Variants in OTOP2 observed in about 807,000 individuals in gnomAD.
The protein encoded by OTOP2 is otopetrin 2.
In OTOP2, 41 loss-of-function variants were observed where a neutral mutation model predicts 47.4. The ratio of observed to expected loss-of-function variants is 0.87; its 90% CI spans 0.67 to 1.12. The LOEUF (loss-of-function observed/expected upper bound fraction) is 1.12. Among genes scored for constraint, OTOP2 ranks in the 50% most tolerant of loss-of-function variants. The pLI is 0.00. For synonymous variants in OTOP2, 328 were observed against 319.6 expected, an observed-to-expected ratio of 1.03 and a Z score of -0.28; for missense variants, 721 against 752.2, an observed-to-expected ratio of 0.96 and a Z score of 0.49.
chr17:74,931,519 G>C (rs1240266405), intron 6 of OTOP2, among the ~76,000 whole-genome samples: 2 of 152,176 alleles, frequency 1.3e-5, no homozygotes, highest in Non-Finnish European at 2.9e-5. Flanking sequence ...CTTGTGATCT[G>C]CCTGCTTCTC....
At position 74,924,494 on chromosome 17, in the gene OTOP2, C is replaced by T; in HGVS notation, c.-33-106C>T. On this transcript the variant is annotated intron_variant, in intron 1 of 6. Transcript: ENST00000331427. The surrounding 1 kb of genome is among the most constrained non-coding windows in gnomAD (Gnocchi z 7.7). ...AGCGCTTCCTCCAGCACCCGAAGCCCCAACCCTGCGGGTCAGGAACTCCCT... is the reference window on the plus strand; with the variant it reads ...AGCGCTTCCTCCAGCACCCGAAGCCTCAACCCTGCGGGTCAGGAACTCCCT... The T allele has an allele frequency of 9.4e-7, 1 of 1,062,968 alleles. No individual in the cohort carries two copies. The highest frequency in any genetic ancestry group is 1.3e-6 in the Non-Finnish European group (1 of 767,398). The allele number at this position is 1,062,968 out of a possible 1,614,324, so 65.8% of individuals were successfully genotyped here.
Position 74,933,523 on chromosome 17 carries a change from T to A in OTOP2, c.1667T>A (p.Leu556Gln), listed in dbSNP as rs201440902. The A allele has an allele frequency of 1.5e-4, 237 of 1,612,840 alleles. No individual in the cohort carries two copies. Among genetic ancestry groups the A allele is most frequent in the Non-Finnish European group, 1.9e-4 (219 of 1,179,176 alleles). The change falls in exon 7 of 7, where the codon CTG (leucine) becomes CAG (glutamine). Residue 556 changes from leucine (L) to glutamine (Q), a missense_variant. By Grantham distance (113) the Leu-to-Gln change is moderately radical. Transcript: ENST00000331427. The surrounding 1 kb of genome is among the most constrained non-coding windows in gnomAD (Gnocchi z 4.7). ...FYRMHAVSSL[L>Q]EVYVLS ...CGCATGCACGCTGTGTCCAGCCTGC[T>A]GGAGGTCTACGTGCTGTCCTGAGGC... is the stretch of plus-strand genomic sequence containing the variant.
In OTOP2 at chr17:74,930,450, C is replaced by T. The variant is rs749307263; in HGVS notation, c.815C>T (p.Thr272Ile). The stretch of plus-strand genomic sequence containing the variant: ...AATGTGGGTAGATTCCTGGCCTCCA[C>T]CCCTGGCCACAGCCACACCCCAACC... Reference protein sequence around the residue: ...WKNVGRFLASTPGHSHTPTPV... With the variant: ...WKNVGRFLASIPGHSHTPTPV... The change falls in exon 6 of 7, where the codon ACC (threonine) becomes ATC (isoleucine). Residue 272 changes from threonine to isoleucine, a missense_variant. Thr to Ile is a moderately conservative substitution (Grantham distance 89). Transcript: ENST00000331427. The surrounding 1 kb of genome is among the most constrained non-coding windows in gnomAD (Gnocchi z 4.0). 23 of 1,614,214 alleles carry T rather than the reference C, an allele frequency of 1.4e-5. No homozygotes were observed. In the East Asian group the frequency reaches 4.2e-4, roughly 30 times the overall value.
At position 74,933,422 on chromosome 17, in the gene OTOP2, A is replaced by C; in HGVS notation, c.1566A>C (p.Thr522=). The part of the protein sequence containing the change: ...AFGARPHFSN[T]VEVDFYGYSL... ...GGGCCCGCCCTCATTTCAGCAACAC[A>C]GTGGAGGTGGATTTCTACGGCTACT... Residue 522 remains threonine (T), a synonymous_variant, in exon 7 of 7, where the codon ACA becomes ACC. Coordinates refer to ENST00000331427, the MANE Select transcript of OTOP2 (RefSeq NM_178160.3). The surrounding 1 kb of genome is among the most constrained non-coding windows in gnomAD (Gnocchi z 4.7). 1.2e-6 allele frequency: 2 copies of C among 1,613,996 alleles called. No homozygotes were observed. Among genetic ancestry groups the C allele is most frequent in the South Asian group, 2.2e-5 (2 of 91,068 alleles).
rs2039075175 is a variant in OTOP2, at chr17:74,933,269, G to C, written c.1519-106G>C. On this transcript the variant is annotated intron_variant, in intron 6 of 6. Transcript: ENST00000331427. This position sits in a 1 kb window ranked among gnomAD's most constrained non-coding sequence, Gnocchi z 4.7. ...ACACCCAGCCCTCCGTGTCCACCAA[G>C]CTAGAAGGATGGGCCGCCATCTAGC... 1 of 1,382,342 alleles carries C rather than the reference G, an allele frequency of 7.2e-7. No homozygotes were observed. Among genetic ancestry groups the C allele is most frequent in the Admixed American group, 2.0e-5 (1 of 50,380 alleles). The allele number at this position is 1,382,342 out of a possible 1,614,324, so 85.6% of individuals were successfully genotyped here.
chr17:74,925,705 G>A lies in OTOP2; in HGVS notation c.450+13G>A. On this transcript the variant is annotated intron_variant, in intron 3 of 6. Transcript: ENST00000331427. ...TGTCATCATCCAGGTGGGTGGAGGA[G>A]TGTCGCTGTGTGGAAGAAAGGAGCT... 1 of 1,613,960 alleles carries A rather than the reference G, an allele frequency of 6.2e-7. No homozygotes were observed. The highest frequency in any genetic ancestry group is 8.5e-7 in the Non-Finnish European group (1 of 1,179,898).
At chr17:74,927,581 T>C in intron 4 of OTOP2, 84 bp from the exon 5 acceptor site, 1 of 1,527,586 alleles carries the variant, frequency 6.5e-7, no homozygotes, top group Admixed American at 2.0e-5. Context: ...TGCTTTATCA[T>C]TTCTCAACAC....
At position 74,930,246 on chromosome 17, in the gene OTOP2, G is replaced by A. The variant is rs370490129; in HGVS notation, c.644-33G>A. Reference sequence around the variant, plus strand: ...TGAGACCTCTCTAGGAAGGCAGGAGGGCTGTCCAGCCCTGTGTCTCTCTCC... The same window carrying A: ...TGAGACCTCTCTAGGAAGGCAGGAGAGCTGTCCAGCCCTGTGTCTCTCTCC... On this transcript the variant is annotated intron_variant, in intron 5 of 6. Transcript: ENST00000331427. The surrounding 1 kb of genome is among the most constrained non-coding windows in gnomAD (Gnocchi z 4.0). 331 of 1,584,598 alleles carry A rather than the reference G, an allele frequency of 2.1e-4. No individual in the cohort carries two copies. Among genetic ancestry groups the A allele is most frequent in the Non-Finnish European group, 2.7e-4 (310 of 1,159,896 alleles).
chr17:74,933,382 T>A lies in OTOP2; in HGVS notation c.1526T>A (p.Ile509Asn). 1 of 1,609,104 alleles carries A rather than the reference T, an allele frequency of 6.2e-7. No homozygotes were observed. The highest frequency in any genetic ancestry group is 8.5e-7 in the Non-Finnish European group (1 of 1,176,216). The stretch of plus-strand genomic sequence containing the variant: ...GCTCCTCTCTCCACACAGCTGTGGA[T>A]CATGCCTGCCTTCGGGGCCCGCCCT... ...FLLLCNVILW[I>N]MPAFGARPHF... Residue 509 changes from isoleucine to asparagine, a missense_variant, in exon 7 of 7, where the codon ATC becomes AAC. Coordinates refer to ENST00000331427, the MANE Select transcript of OTOP2 (RefSeq NM_178160.3). The surrounding 1 kb of genome is among the most constrained non-coding windows in gnomAD (Gnocchi z 4.7).
rs756150822 is a variant in OTOP2 at position 74,930,379 on chromosome 17, C to G, written c.744C>G (p.Ile248Met). ...ACTTCTACCTATATCCCTTCAACATCGAGTACAGCCTCTTCGCCTCCACCA... is the reference window on the plus strand; with the variant it reads ...ACTTCTACCTATATCCCTTCAACATGGAGTACAGCCTCTTCGCCTCCACCA... ...QGYFYLYPFN[I>M]EYSLFASTML... Residue 248 changes from isoleucine (I) to methionine (M), a missense_variant, in exon 6 of 7, where the codon ATC becomes ATG. Coordinates refer to ENST00000331427, the MANE Select transcript of OTOP2 (RefSeq NM_178160.3). The surrounding 1 kb of genome is among the most constrained non-coding windows in gnomAD (Gnocchi z 4.0). 10 of 1,614,034 alleles carry G rather than the reference C, an allele frequency of 6.2e-6. No individual in the cohort carries two copies. The East Asian group carries it at 2.0e-4, about 32-fold the overall frequency.
intron 6 of OTOP2, among the ~76,000 whole-genome samples, chr17:74,932,454 A>G (rs2039068963): frequency 6.6e-6 from 1 of 152,160 alleles, no homozygotes; most frequent in Non-Finnish European, 1.5e-5. Context: ...GAGCCTTCCA[A>G]CACAATCAAT....
Position 74,930,731 on chromosome 17 carries a change from A to C in OTOP2, c.1096A>C (p.Thr366Pro). The C allele has an allele frequency of 6.2e-7, 1 of 1,613,544 alleles. No individual in the cohort carries two copies. Among genetic ancestry groups the C allele is most frequent in the Non-Finnish European group, 8.5e-7 (1 of 1,179,920 alleles). The change falls in exon 6 of 7, where the codon ACT (threonine) becomes CCT (proline). Residue 366 changes from threonine to proline, a missense_variant. Physicochemically the swap from Thr to Pro is conservative, Grantham distance 38 (BLOSUM62 -1). Transcript: ENST00000331427. The surrounding 1 kb of genome is among the most constrained non-coding windows in gnomAD (Gnocchi z 4.0). ...AMDHHKNPTR[T>P]LDVALLMGAA... ...GGACCACCATAAGAACCCCACGCGC[A>C]CTCTGGACGTGGCCCTGCTGATGGG...
intron 4 of OTOP2, 161 bp downstream of exon 4, chr17:74,927,442 G>A: frequency 9.5e-7 from 1 of 1,050,282 alleles, no homozygotes; most frequent in East Asian, 2.5e-5. Context: ...ACTACCTTGT[G>A]GGGCCCTTTC....
At position 74,931,105 on chromosome 17, in the gene OTOP2, C is replaced by G; in HGVS notation, c.1470C>G (p.Arg490=). ...IVSTPRSQWR[R]QCLKDISLFL... Reference sequence around the variant, plus strand: ...CAACCCCCAGAAGCCAGTGGAGACGCCAGTGCCTAAAAGACATTTCTCTGT... The same window carrying G: ...CAACCCCCAGAAGCCAGTGGAGACGGCAGTGCCTAAAAGACATTTCTCTGT... Residue 490 remains arginine (R), a synonymous_variant, in exon 6 of 7, where the codon CGC becomes CGG. Transcript: ENST00000331427. The G allele has an allele frequency of 6.2e-7, 1 of 1,612,650 alleles. No homozygotes were observed. Among genetic ancestry groups the G allele is most frequent in the Non-Finnish European group, 8.5e-7 (1 of 1,179,224 alleles).
intron 6 of OTOP2, among the ~76,000 whole-genome samples, chr17:74,931,442 G>A (rs1395373464): frequency 6.6e-6 from 1 of 152,194 alleles, no homozygotes; most frequent in Admixed American, 6.5e-5. Flanking sequence ...AGGTGAGAGG[G>A]AGCTGAGAGC....
chr17:74,927,135 G>T, intron 3 of OTOP2, 88 bp from the exon 4 acceptor site: 2 of 1,212,446 alleles, frequency 1.6e-6, no homozygotes. Context: ...TTCCTCAGGC[G>T]GAGAGAACAA....
At position 74,924,585 on chromosome 17, in the gene OTOP2, G is replaced by T; in HGVS notation, c.-33-15G>T. On this transcript the variant is annotated splice_polypyrimidine_tract_variant and intron_variant, in intron 1 of 6. Coordinates refer to ENST00000331427, the MANE Select transcript of OTOP2 (RefSeq NM_178160.3). This position sits in a 1 kb window ranked among gnomAD's most constrained non-coding sequence, Gnocchi z 7.7. ...TCAGGGTTGACCTGGAGTTTTGTCC[G>T]CTCCTCCCCTACAGTGATCCCTCTA... The T allele has an allele frequency of 1.4e-6, 2 of 1,457,462 alleles. No individual in the cohort carries two copies. Among genetic ancestry groups the T allele is most frequent in the South Asian group, 1.4e-5 (1 of 70,876 alleles). 90.3% of individuals were successfully genotyped at this position (1,457,462 alleles called of 1,614,324 possible).
At chr17:74,925,454 A>C in intron 2 of OTOP2, 102 bp from the exon 3 acceptor site, 1 of 1,483,462 alleles carries the variant, frequency 6.7e-7, no homozygotes, top group Non-Finnish European at 9.2e-7. Context: ...CCATCCACCC[A>C]CCCATCTAGC....
chr17:74,930,799 G>A lies in OTOP2; in HGVS notation c.1164G>A (p.Val388=), dbSNP rs769749529. The A allele has an allele frequency of 7.4e-6, 12 of 1,614,024 alleles. No homozygotes were observed. Among genetic ancestry groups the A allele is most frequent in the Middle Eastern group, 3.3e-4 (2 of 6,084 alleles). The change falls in exon 6 of 7, where the codon GTG becomes GTA. Residue 388 remains valine (V), a synonymous_variant. Coordinates refer to ENST00000331427, the MANE Select transcript of OTOP2 (RefSeq NM_178160.3). The surrounding 1 kb of genome is among the most constrained non-coding windows in gnomAD (Gnocchi z 4.0). ...ACGCCATCTCTTACTACTCCATCGT[G>A]GCTGTGGTGGCGGGCACACCCCAGG... The part of the protein sequence containing the change: ...GQYAISYYSI[V]AVVAGTPQDL...
Sources: allele counts gnomAD v4.1 joint callset (sites outside exome capture counted in the v4.1 genomes callset), GRCh38; gene constraint gnomAD v4.1.1; non-coding constraint Gnocchi (gnomAD v3.1); transcripts MANE v1.5; gene names NCBI Gene and HGNC (gene_info 2026-07-23, HGNC 2026-07-21).